Variants in TTLL13 observed in about 807,000 individuals in gnomAD.
TTLL13 encodes the protein tubulin tyrosine ligase like 13.
the TTLL13 span, among the ~76,000 whole-genome samples, chr15:90,254,190 T>TG: frequency 5.5e-5 from 5 of 90,956 alleles, no homozygotes; most frequent in East Asian, 4.7e-4. Context: ...GAGACCCTGT[T>TG]TTTTTTTTTT....
the TTLL13 span, chr15:90,262,378 A>T: frequency 8.1e-7 from 1 of 1,235,454 alleles, no homozygotes; most frequent in Non-Finnish European, 1.1e-6. Context: ...TTGCTCTCGC[A>T]TCAGTCCTAA....
chr15:90,263,153 T>A, the TTLL13 span: 7 of 1,519,342 alleles, frequency 4.6e-6, no homozygotes, highest in Non-Finnish European at 6.1e-6. Flanking sequence ...CGGGTGAGGG[T>A]CCCTGTGAAG....
At chr15:90,263,113 C>T in the TTLL13 span, 1 of 1,529,586 alleles carries the variant, frequency 6.5e-7, no homozygotes. Context: ...GCACCCTGGC[C>T]CCCAGGGCCA....
chr15:90,252,065 G>GTT, the TTLL13 span, among the ~76,000 whole-genome samples: 1 of 87,506 alleles, frequency 1.1e-5, no homozygotes, highest in African/African-American at 3.6e-5. Context: ...TTGAGACCGA[G>GTT]TTTTGCTCTT....
chr15:90,259,143 G>C, the TTLL13 span: 2 of 1,119,538 alleles, frequency 1.8e-6, no homozygotes, highest in Non-Finnish European at 2.4e-6. Flanking sequence ...CAGGAGGATT[G>C]CTTGAGCCCT....
chr15:90,258,722 T>C, the TTLL13 span: 2 of 1,609,100 alleles, frequency 1.2e-6, no homozygotes, highest in Non-Finnish European at 1.7e-6. Flanking sequence ...GAAAGGGGTG[T>C]ATAATGACTC....
chr15:90,260,421 T>C, the TTLL13 span, among the ~76,000 whole-genome samples: 1 of 152,104 alleles, frequency 6.6e-6, no homozygotes, highest in Non-Finnish European at 1.5e-5. Context: ...GGCTTCAGCC[T>C]GGGAGGCTGA....
chr15:90,262,544 A>T, the TTLL13 span: 1 of 1,531,226 alleles, frequency 6.5e-7, no homozygotes. Flanking sequence ...GACCTCGGGC[A>T]CTAAGAGGCA....
chr15:90,262,417 T>G, the TTLL13 span: 29,109 of 1,391,700 alleles, frequency 0.021, 347 homozygotes, highest in Non-Finnish European at 0.023. Flanking sequence ...TGCTCTTTCC[T>G]CATCCCCATT....
At chr15:90,259,968 C>T in the TTLL13 span, among the ~76,000 whole-genome samples, 1 of 152,124 alleles carries the variant, frequency 6.6e-6, no homozygotes, top group African/African-American at 2.4e-5. Flanking sequence ...TATGCAGGGG[C>T]AGTGTGTGTT....
At chr15:90,251,280 A>ATTTT in the TTLL13 span, among the ~76,000 whole-genome samples, 24 of 109,502 alleles carry the variant, frequency 2.2e-4, 1 homozygote, top group African/African-American at 6.1e-4. Flanking sequence ...CGCATGGCAA[A>ATTTT]TTTTTTTTTT....
At chr15:90,253,350 G>T in the TTLL13 span, 1 of 1,612,812 alleles carries the variant, frequency 6.2e-7, no homozygotes, top group Non-Finnish European at 8.5e-7. Flanking sequence ...ACGAGTCATG[G>T]ACATGAAGAG....
At chr15:90,250,118 C>A in the TTLL13 span, among the ~76,000 whole-genome samples, 11 of 151,830 alleles carry the variant, frequency 7.2e-5, no homozygotes, top group Admixed American at 1.3e-4. Flanking sequence ...ACCAGCACAC[C>A]CAGCTAATTT....
chr15:90,265,123 G>T, the TTLL13 span: 15 of 1,252,100 alleles, frequency 1.2e-5, no homozygotes, highest in East Asian at 1.5e-4. Context: ...AAGACACCAA[G>T]AATTCCTCAA....
chr15:90,261,283 T>C, the TTLL13 span, among the ~76,000 whole-genome samples: 1 of 151,698 alleles, frequency 6.6e-6, no homozygotes, highest in Non-Finnish European at 1.5e-5. Context: ...TTCGCTATGT[T>C]GGCCAGGCTG....
chr15:90,256,900 C>A, the TTLL13 span, among the ~76,000 whole-genome samples: 7 of 152,052 alleles, frequency 4.6e-5, no homozygotes, highest in African/African-American at 1.7e-4. Flanking sequence ...CTTGGCCAGG[C>A]TGGTCTTGAA....
chr15:90,259,010 G>C, the TTLL13 span: 1 of 1,603,772 alleles, frequency 6.2e-7, no homozygotes, highest in Non-Finnish European at 8.5e-7. Context: ...ATGTGGCCTG[G>C]GGCTGATTTG....
the TTLL13 span, among the ~76,000 whole-genome samples, chr15:90,256,585 CTTT>C: frequency 5.1e-3 from 178 of 34,584 alleles, no homozygotes; most frequent in Middle Eastern, 0.05. Context: ...TTCTTTCTTT[CTTT>C]CTTTCTTTCT....
the TTLL13 span, chr15:90,258,760 C>A: frequency 6.2e-7 from 1 of 1,614,150 alleles, no homozygotes; most frequent in East Asian, 2.2e-5. Context: ...ACTCTCCAAG[C>A]TTTACCACGG....
Sources: allele counts gnomAD v4.1 joint callset (sites outside exome capture counted in the v4.1 genomes callset), GRCh38; gene constraint gnomAD v4.1.1; transcripts MANE v1.5; gene names NCBI Gene and HGNC (gene_info 2026-07-23, HGNC 2026-07-21).